TENM2: variants seen among roughly 807,000 people sequenced by gnomAD.
TENM2 encodes teneurin transmembrane protein 2, also known as teneurin-2.
A neutral mutation model predicts 245.2 loss-of-function variants in TENM2; 52 were observed. The observed-to-expected ratio is 0.21, with a 90% CI of 0.17 to 0.27. The LOEUF (loss-of-function observed/expected upper bound fraction) is 0.27, where lower values mean the gene tolerates loss of function less well. TENM2 is among the 10% of genes least tolerant of loss of function. TENM2 has a pLI of 1.00. For synonymous variants in TENM2, 1,363 were observed against 1,438.9 expected (o/e 0.95, Z 1.19); for missense variants, 3,046 against 3,666.8 (o/e 0.83, Z 4.37).
At chr5:167,389,834 C>T (rs183694262) in intron 2 of TENM2, among the ~76,000 whole-genome samples, 139 of 152,272 alleles carry the variant, frequency 9.1e-4, no homozygotes, top group East Asian at 1.7e-3. Context: ...TACCAAATTA[C>T]GGATCGAAAT....
chr5:166,982,792 G>GC, the TENM2 span, among the ~76,000 whole-genome samples: 2 of 116,356 alleles, frequency 1.7e-5, no homozygotes, highest in African/African-American at 6.4e-5. Flanking sequence ...TGTTTTTTTT[G>GC]GGGGGGGGAG....
At chr5:167,934,084 T>C (rs1178637155) in intron 3 of TENM2, among the ~76,000 whole-genome samples, 4 of 152,224 alleles carry the variant, frequency 2.6e-5, no homozygotes, top group Admixed American at 2.6e-4. Context: ...TCTGGAATTA[T>C]CAAACCAATT....
intron 1 of TENM2, among the ~76,000 whole-genome samples, chr5:167,343,031 G>C (rs979818794): frequency 5.3e-5 from 8 of 152,012 alleles, no homozygotes; most frequent in African/African-American, 1.9e-4. Flanking sequence ...ATTTATGTCA[G>C]TATGGACTCC....
intron 1 of TENM2, among the ~76,000 whole-genome samples, chr5:167,350,969 G>A (rs1446703448): frequency 1.3e-5 from 1 of 75,910 alleles, no homozygotes; most frequent in African/African-American, 4.2e-5. Flanking sequence ...ATATATATGG[G>A]GTATATACAT....
At chr5:167,238,009 CA>C in the TENM2 span, among the ~76,000 whole-genome samples, 62 of 44,108 alleles carry the variant, frequency 1.4e-3, no homozygotes, top group East Asian at 2.4e-3. Context: ...GACTCTGTCT[CA>C]AAAAAAAAAA....
At chr5:167,656,860 G>C (rs1754873563) in intron 2 of TENM2, among the ~76,000 whole-genome samples, 1 of 151,628 alleles carries the variant, frequency 6.6e-6, no homozygotes, top group Admixed American at 6.6e-5. Context: ...CATATTTATA[G>C]GGTACATAGT....
At chr5:167,350,732 T>TATATATATATGGGATATATACATAC (rs1561883617) in intron 1 of TENM2, among the ~76,000 whole-genome samples, 1 of 88,758 alleles carries the variant, frequency 1.1e-5, no homozygotes, top group East Asian at 3.5e-4. Flanking sequence ...TATATACATA[T>TATATATATATGGGATATATACATAC]GGATATATAT....
At chr5:167,112,447 T>C in the TENM2 span, among the ~76,000 whole-genome samples, 1 of 152,252 alleles carries the variant, frequency 6.6e-6, no homozygotes, top group African/African-American at 2.4e-5. Flanking sequence ...AAGGTTCATG[T>C]ACATATGAAA....
At chr5:167,971,633 G>A (rs922358119) in intron 4 of TENM2, among the ~76,000 whole-genome samples, 5 of 152,198 alleles carry the variant, frequency 3.3e-5, no homozygotes, top group Middle Eastern at 3.4e-3. Context: ...CCTGGGAGGC[G>A]AAGGTTGCAG....
chr5:168,083,115 C>T (rs542231987), intron 7 of TENM2, among the ~76,000 whole-genome samples: 39 of 152,324 alleles, frequency 2.6e-4, no homozygotes, highest in African/African-American at 6.3e-4. Context: ...TCGAGCTTCC[C>T]GGCCACTTTG....
intron 12 of TENM2, among the ~76,000 whole-genome samples, chr5:168,155,004 CAG>C (rs1757024953): frequency 6.6e-6 from 1 of 152,218 alleles, no homozygotes; most frequent in African/African-American, 2.4e-5. Flanking sequence ...TGCCTAGAAA[CAG>C]AGTCCCCGCA....
chr5:168,148,483 G>T (rs577390028), intron 12 of TENM2, among the ~76,000 whole-genome samples: 3 of 152,320 alleles, frequency 2.0e-5, no homozygotes, highest in Admixed American at 2.0e-4. Context: ...ACCCTGTAAT[G>T]ATCAGTGGCC....
chr5:167,431,217 C>T (rs755469944), intron 2 of TENM2, among the ~76,000 whole-genome samples: 11 of 152,018 alleles, frequency 7.2e-5, no homozygotes, highest in Non-Finnish European at 1.3e-4. Flanking sequence ...TTTATCTGAA[C>T]CATTACATAT....
At chr5:167,812,871 A>G (rs1037766074) in intron 2 of TENM2, among the ~76,000 whole-genome samples, 2 of 152,222 alleles carry the variant, frequency 1.3e-5, no homozygotes, top group African/African-American at 4.8e-5. Context: ...TGTGAACCAC[A>G]GTCAGGGACC....
chr5:167,308,203 A>T (rs965576842), intron 1 of TENM2, among the ~76,000 whole-genome samples: 2 of 152,194 alleles, frequency 1.3e-5, no homozygotes, highest in African/African-American at 4.8e-5. Flanking sequence ...ACTTAAAATC[A>T]GTAGAAAAGC....
At chr5:167,919,685 T>C (rs148497162) in intron 3 of TENM2, among the ~76,000 whole-genome samples, 304 of 152,314 alleles carry the variant, frequency 2.0e-3, no homozygotes, top group Middle Eastern at 6.8e-3. Flanking sequence ...AGAGAAGCTG[T>C]AGATCTAGGT....
In TENM2 at chr5:168,249,123, CAA is replaced by C. The variant is rs566693885; in HGVS notation, c.7432+768_7432+769del. Among the ~76,000 whole-genome samples the C allele has an allele frequency of 1.4e-3, 161 of 116,498 alleles. 1 individual carries two copies. The highest frequency in any genetic ancestry group is 1.9e-3 in the Admixed American group (22 of 11,534). 76.4% of individuals were successfully genotyped at this position (116,498 alleles called of 152,430 possible). On this transcript the variant is annotated intron_variant, in intron 27 of 28. Coordinates refer to ENST00000518659, the Ensembl canonical transcript of TENM2. ...TAGGTGACAGAGCAAGACCCTGTCT[CAA>C]AAAAAAAAAAAAAAAGTAAATGAAC...
intron 5 of TENM2, among the ~76,000 whole-genome samples, chr5:168,011,544 T>C (rs951516637): frequency 1.3e-5 from 2 of 152,228 alleles, no homozygotes; most frequent in Admixed American, 1.3e-4. Flanking sequence ...TCTTCAGATA[T>C]ATTTTTTCTT....
In TENM2 at chr5:168,055,973, G is replaced by A. The variant is rs1010050450; in HGVS notation, c.1310-6087G>A. The stretch of plus-strand genomic sequence containing the variant: ...GCTAGACCTTAAAATGTCTAGCTAG[G>A]CATTAGACATTTTAAGATAAAGATA... On this transcript the variant is annotated intron_variant, in intron 6 of 28. Coordinates refer to ENST00000518659, the Ensembl canonical transcript of TENM2. 2.6e-5 allele frequency among the ~76,000 whole-genome samples: 4 copies of A among 152,272 alleles called. No homozygotes were observed. The Middle Eastern group carries it at 0.01, about 388-fold the overall frequency.
Sources: gnomAD v4.1 joint callset for allele counts (sites outside exome capture counted in the v4.1 genomes callset) on GRCh38, gnomAD v4.1.1 for gene constraint, MANE v1.5 for transcripts, NCBI Gene and HGNC (gene_info 2026-07-23, HGNC 2026-07-21) for gene names.